PTPRT: variants seen among roughly 807,000 people sequenced by gnomAD.
PTPRT encodes the protein receptor-type tyrosine-protein phosphatase T.
Under a neutral mutation model 176.8 loss-of-function variants are expected in PTPRT, and 56 were observed. The observed-to-expected ratio is 0.32, with a 90% CI of 0.26 to 0.40. PTPRT has a LOEUF of 0.40. Ranked by LOEUF, PTPRT falls within the 10% of genes least tolerant of loss-of-function variation. The pLI, the probability that PTPRT is intolerant of heterozygous loss-of-function variation, is 1.00. For synonymous variants in PTPRT, 783 were observed against 739.0 expected (o/e 1.06, Z -0.96); for missense variants, 1,540 against 1,908.2 (o/e 0.81, Z 3.60).
In PTPRT at chr20:43,189,641, C is replaced by G; in HGVS notation, c.88+5G>C. The G allele has an allele frequency of 7.9e-7, 1 of 1,259,416 alleles. No individual in the cohort carries two copies. Among genetic ancestry groups the G allele is most frequent in the South Asian group, 2.8e-5 (1 of 35,838 alleles). The allele number at this position is 1,259,416 out of a possible 1,614,324, so 78.0% of individuals were successfully genotyped here. ...AGCCCAGGGGAGCCGGGCGGGCGCA[C>G]TCACCTGCGGCGCTCTGAGCCCGGG... On this transcript the variant is annotated splice_donor_5th_base_variant and intron_variant, in intron 1 of 30. Transcript: ENST00000373187. This position sits in a 1 kb window ranked among gnomAD's most constrained non-coding sequence, Gnocchi z 5.0.
chr20:42,905,611 T>G lies in PTPRT; in HGVS notation c.89-19679A>C, dbSNP rs1210178467. Among the ~76,000 whole-genome samples, 8 of 152,180 alleles carry G rather than the reference T, an allele frequency of 5.3e-5. No individual in the cohort carries two copies. The East Asian group carries it at 1.5e-3, about 29-fold the overall frequency. On this transcript the variant is annotated intron_variant, in intron 1 of 30. Coordinates refer to ENST00000373187, the MANE Select transcript of PTPRT (RefSeq NM_007050.6). ...TAAATCATGCTACTATAAAGACACA[T>G]GCACACATATGTTTATTGTGGCACT...
At chr20:42,088,103 C>G (rs1984196206) in intron 27 of PTPRT, among the ~76,000 whole-genome samples, 1 of 151,978 alleles carries the variant, frequency 6.6e-6, no homozygotes, top group Non-Finnish European at 1.5e-5. Flanking sequence ...TGCTGGGGTA[C>G]AGAGGGGAGA....
rs1555871976 is a variant in PTPRT at position 42,508,127 on chromosome 20, T to TGTGTGTGTGTGTGTGTGTGTG, written c.1154-35566_1154-35565insCACACACACACACACACACAC. Among the ~76,000 whole-genome samples, 1,112 of 146,652 alleles carry TGTGTGTGTGTGTGTGTGTGTG rather than the reference T, an allele frequency of 7.6e-3. 19 individuals carry two copies. Among genetic ancestry groups the TGTGTGTGTGTGTGTGTGTGTG allele is most frequent in the African/African-American group, 0.027 (1,060 of 38,562 alleles). ...TTAATAAAATCAGTAATTACCCTTTTTGTGTGTGTGTGTGTGTGTGTGTAT... is the reference window on the plus strand; with the variant it reads ...TTAATAAAATCAGTAATTACCCTTTTGTGTGTGTGTGTGTGTGTGTGTGTGTGTGTGTGTGTGTGTGTGTAT... On this transcript the variant is annotated intron_variant, in intron 7 of 30. Transcript: ENST00000373187.
At chr20:43,026,487 GA>G (rs1192456292) in intron 1 of PTPRT, among the ~76,000 whole-genome samples, 53 of 152,224 alleles carry the variant, frequency 3.5e-4, no homozygotes, top group African/African-American at 9.9e-4. Flanking sequence ...TGGGGTACAT[GA>G]GATATATTGA....
At chr20:42,522,501 C>T (rs2072193925) in intron 7 of PTPRT, among the ~76,000 whole-genome samples, 1 of 152,084 alleles carries the variant, frequency 6.6e-6, no homozygotes, top group Non-Finnish European at 1.5e-5. Context: ...CACTCTATTG[C>T]TCAGGCTGGA....
intron 13 of PTPRT, among the ~76,000 whole-genome samples, chr20:42,266,485 G>T (rs926174585): frequency 6.6e-6 from 1 of 152,148 alleles, no homozygotes; most frequent in Non-Finnish European, 1.5e-5. Flanking sequence ...GCCTGGGGAA[G>T]ACTGAGTTCT....
At chr20:42,596,660 G>T (rs916855949) in intron 7 of PTPRT, among the ~76,000 whole-genome samples, 4 of 152,160 alleles carry the variant, frequency 2.6e-5, no homozygotes, top group African/African-American at 9.6e-5. Flanking sequence ...GTAAGAAAAT[G>T]CCAAAAATAG....
intron 7 of PTPRT, among the ~76,000 whole-genome samples, chr20:42,537,210 C>CA (rs2072492619): frequency 6.6e-6 from 1 of 152,012 alleles, no homozygotes; most frequent in South Asian, 2.1e-4. Flanking sequence ...ATGAAGCCTG[C>CA]AAATATATAC....
chr20:42,637,430 C>G (rs1454635468), intron 7 of PTPRT, among the ~76,000 whole-genome samples: 2 of 152,150 alleles, frequency 1.3e-5, no homozygotes, highest in African/African-American at 4.8e-5. Flanking sequence ...CTTACATATG[C>G]CAAGCTTGTT....
intron 9 of PTPRT, among the ~76,000 whole-genome samples, chr20:42,354,864 G>T (rs2059103091): frequency 6.6e-6 from 1 of 152,042 alleles, no homozygotes; most frequent in African/African-American, 2.4e-5. Flanking sequence ...GAGGAGAGAG[G>T]TCAGACGGTG....
intron 7 of PTPRT, among the ~76,000 whole-genome samples, chr20:42,557,540 C>A (rs185480154): frequency 7.4e-4 from 112 of 152,244 alleles, no homozygotes; most frequent in Admixed American, 2.2e-3. Flanking sequence ...CCAGCCCAGA[C>A]AACTCTGCTA....
intron 1 of PTPRT, among the ~76,000 whole-genome samples, chr20:43,166,342 A>C (rs1204412034): frequency 6.6e-6 from 1 of 150,712 alleles, no homozygotes; most frequent in Non-Finnish European, 1.5e-5. Context: ...AAAAAAAAAA[A>C]CCCTCTATGG....
At chr20:42,496,814 GGT>G (rs751393768) in intron 7 of PTPRT, among the ~76,000 whole-genome samples, 10 of 151,974 alleles carry the variant, frequency 6.6e-5, no homozygotes, top group Non-Finnish European at 1.5e-4. Flanking sequence ...CATCTTCAAT[GGT>G]GTAATCCTTT....
At chr20:42,190,649 T>C (rs1990969112) in intron 16 of PTPRT, among the ~76,000 whole-genome samples, 1 of 152,184 alleles carries the variant, frequency 6.6e-6, no homozygotes, top group African/African-American at 2.4e-5. Context: ...AGTTTTGGGT[T>C]CAGTAGGTCT....
intron 12 of PTPRT, among the ~76,000 whole-genome samples, chr20:42,303,728 T>C (rs964572789): frequency 6.6e-6 from 1 of 152,032 alleles, no homozygotes; most frequent in African/African-American, 2.4e-5. Flanking sequence ...ACTGTTGAGG[T>C]TGTCCAGGCA....
At chr20:43,178,696 A>G (rs1600774982) in intron 1 of PTPRT, among the ~76,000 whole-genome samples, 1 of 152,296 alleles carries the variant, frequency 6.6e-6, no homozygotes, top group East Asian at 1.9e-4. Flanking sequence ...TCCACACAAC[A>G]ACAGGCAGCA....
rs140820643 is a variant in PTPRT, at chr20:42,302,125, C to A, written c.2139+13598G>T. 9.9e-5 allele frequency among the ~76,000 whole-genome samples: 15 copies of A among 152,184 alleles called. No homozygotes were observed. The East Asian group carries it at 2.9e-3, about 29-fold the overall frequency. ...TCTCATCTGTAGAATGGGAGCAATACCCTCTGTACAACTCTCTAGGGTAAA... is the reference window on the plus strand; with the variant it reads ...TCTCATCTGTAGAATGGGAGCAATAACCTCTGTACAACTCTCTAGGGTAAA... On this transcript the variant is annotated intron_variant, in intron 12 of 30. Coordinates refer to ENST00000373187, the MANE Select transcript of PTPRT (RefSeq NM_007050.6).
intron 7 of PTPRT, among the ~76,000 whole-genome samples, chr20:42,653,483 T>A (rs138842501): frequency 5.7e-4 from 87 of 152,248 alleles, no homozygotes; most frequent in African/African-American, 2.0e-3. Flanking sequence ...AGGTAGATGA[T>A]CTTGCAATCA....
At chr20:42,067,421 C>T in the PTPRT span, among the ~76,000 whole-genome samples, 11,049 of 152,126 alleles carry the variant, frequency 0.073, 493 homozygotes, top group East Asian at 0.11. Context: ...ATAGGCTGGG[C>T]GTAAGCATTG....
Sources: gnomAD v4.1 joint callset for allele counts (sites outside exome capture counted in the v4.1 genomes callset) on GRCh38, gnomAD v4.1.1 for gene constraint, Gnocchi (gnomAD v3.1) non-coding constraint, MANE v1.5 for transcripts, NCBI Gene and HGNC (gene_info 2026-07-23, HGNC 2026-07-21) for gene names.